Variants in ANKDD1B observed in about 807,000 individuals in gnomAD.
The protein encoded by ANKDD1B is ankyrin repeat and death domain-containing protein 1B.
In ANKDD1B, 57 loss-of-function variants were observed where a neutral mutation model predicts 59.7. That is an observed-to-expected ratio of 0.95 (90% CI 0.77 to 1.19). The LOEUF (loss-of-function observed/expected upper bound fraction) is 1.19. Among genes scored for constraint, ANKDD1B ranks in the 50% most tolerant of loss-of-function variants. ANKDD1B has a pLI of 0.00. For synonymous variants in ANKDD1B, 216 were observed against 239.5 expected (o/e 0.90, Z 0.91); for missense variants, 602 against 641.9 (o/e 0.94, Z 0.67).
intron 1 of ANKDD1B, among the ~76,000 whole-genome samples, chr5:75,616,385 C>T (rs1036942358): frequency 6.6e-6 from 1 of 152,126 alleles, no homozygotes; most frequent in Admixed American, 6.5e-5. Flanking sequence ...GGCCTGGCCT[C>T]GGTATAGAGT....
intron 5 of ANKDD1B, among the ~76,000 whole-genome samples, chr5:75,631,784 G>T (rs1774167680): frequency 6.6e-6 from 1 of 152,154 alleles, no homozygotes; most frequent in East Asian, 1.9e-4. Context: ...AACTTTATGA[G>T]TCTGAAATGT....
chr5:75,667,085 C>T (rs1215411025), intron 12 of ANKDD1B, 92 bp downstream of exon 12: 12 of 820,464 alleles, frequency 1.5e-5, no homozygotes, highest in Middle Eastern at 3.7e-4. Flanking sequence ...AAGTGTGTGG[C>T]ACTCACAATA....
chr5:75,622,718 G>C (rs1228220545), intron 3 of ANKDD1B, among the ~76,000 whole-genome samples: 1 of 152,206 alleles, frequency 6.6e-6, no homozygotes, highest in African/African-American at 2.4e-5. Context: ...AGTGACTATT[G>C]AGCAATGTAC....
intron 11 of ANKDD1B, 70 bp downstream of exon 11, chr5:75,663,559 G>A (rs1238242107): frequency 2.4e-6 from 3 of 1,234,152 alleles, no homozygotes; most frequent in African/African-American, 3.0e-5. Flanking sequence ...GGGGCAATGG[G>A]GGGGTCTGTG....
chr5:75,637,270 A>AAAAAAAAG lies in ANKDD1B; in HGVS notation c.798+1391_798+1392insAAAAGAAA, dbSNP rs1561439319. On this transcript the variant is annotated intron_variant, in intron 7 of 13. Transcript: ENST00000601380. The stretch of plus-strand genomic sequence containing the variant: ...AAAAAAAAAAAAAAAAAAAAAAAAA[A>AAAAAAAAG]AAAGAAAGAAAAAAGAAACTGGTTC... Among the ~76,000 whole-genome samples, 6 of 141,984 alleles carry AAAAAAAAG rather than the reference A, an allele frequency of 4.2e-5. No homozygotes were observed. The East Asian group carries it at 8.2e-4, about 19-fold the overall frequency. The allele number at this position is 141,984 out of a possible 152,430, so 93.1% of individuals were successfully genotyped here. A position where few individuals can be genotyped will look rare whatever the true frequency, so the allele number is the denominator to read the frequency against.
chr5:75,658,933 T>C (rs1356481590), intron 9 of ANKDD1B, among the ~76,000 whole-genome samples: 1 of 152,228 alleles, frequency 6.6e-6, no homozygotes, highest in African/African-American at 2.4e-5. Flanking sequence ...TATTAAACGG[T>C]AACTTCCCAT....
intron 5 of ANKDD1B, among the ~76,000 whole-genome samples, chr5:75,628,893 A>C (rs1434263493): frequency 3.9e-5 from 6 of 152,234 alleles, no homozygotes; most frequent in Non-Finnish European, 5.9e-5. Context: ...TCTGGTGATC[A>C]AAAATAAATA....
At chr5:75,658,133 G>A (rs1315255539) in intron 9 of ANKDD1B, among the ~76,000 whole-genome samples, 1 of 152,012 alleles carries the variant, frequency 6.6e-6, no homozygotes, top group Non-Finnish European at 1.5e-5. Flanking sequence ...GGAGTTCGAG[G>A]TTACAGTGAG....
At chr5:75,654,845 C>T (rs1010482242) in intron 8 of ANKDD1B, among the ~76,000 whole-genome samples, 2 of 152,144 alleles carry the variant, frequency 1.3e-5, no homozygotes, top group Non-Finnish European at 2.9e-5. Context: ...TGTTCCCTCT[C>T]GCCACTCGCT....
At chr5:75,622,632 T>C (rs1773882173) in intron 3 of ANKDD1B, among the ~76,000 whole-genome samples, 1 of 152,204 alleles carries the variant, frequency 6.6e-6, no homozygotes, top group Non-Finnish European at 1.5e-5. Flanking sequence ...TCTGGGAAGC[T>C]CCTAACATGG....
chr5:75,641,818 T>C (rs146152200), intron 7 of ANKDD1B, among the ~76,000 whole-genome samples: 1 of 152,326 alleles, frequency 6.6e-6, no homozygotes, highest in African/African-American at 2.4e-5. Context: ...CACTTTCCTT[T>C]TAACCACACA....
rs143102223 is a variant in ANKDD1B at position 75,641,576 on chromosome 5, G to C, written c.798+5694G>C. 1.1e-3 allele frequency among the ~76,000 whole-genome samples: 164 copies of C among 152,254 alleles called. 1 individual carries two copies. The highest frequency in any genetic ancestry group is 7.4e-3 in the Admixed American group (113 of 15,300). ...ATATACCAACACTGTATAAACAGTA[G>C]CACAGTATATAATATATGCTGCTCT... On this transcript the variant is annotated intron_variant, in intron 7 of 13. Transcript: ENST00000601380.
At position 75,671,345 on chromosome 5, in the gene ANKDD1B, A is replaced by C. The variant is rs950470397; in HGVS notation, c.*305A>C. On this transcript the variant is annotated 3_prime_UTR_variant, in exon 14 of 14. Transcript: ENST00000601380. ...CATGTTTTTTTAAAAAACTCATGGG[A>C]GCAGCATCATGGTACAGTAAAAAAA... The C allele has an allele frequency of 1.8e-4, 38 of 208,282 alleles. No individual in the cohort carries two copies. The highest frequency in any genetic ancestry group is 8.4e-4 in the African/African-American group (37 of 43,798). The allele number at this position is 208,282 out of a possible 1,614,324, so 12.9% of individuals were successfully genotyped here.
intron 5 of ANKDD1B, among the ~76,000 whole-genome samples, chr5:75,627,557 T>C (rs570091825): frequency 1.3e-4 from 20 of 152,364 alleles, no homozygotes; most frequent in Non-Finnish European, 2.8e-4. Context: ...ATATCCTATC[T>C]GATTTTCTCA....
At chr5:75,662,037 C>T (rs1775170422) in intron 10 of ANKDD1B, among the ~76,000 whole-genome samples, 1 of 151,042 alleles carries the variant, frequency 6.6e-6, no homozygotes, top group Non-Finnish European at 1.5e-5. Context: ...GTCCTCTTGG[C>T]CTGAGGTGTC....
chr5:75,621,473 T>A (rs934815289), intron 3 of ANKDD1B, among the ~76,000 whole-genome samples: 10 of 152,254 alleles, frequency 6.6e-5, no homozygotes, highest in South Asian at 2.1e-4. Flanking sequence ...TTTTTTTTTT[T>A]AATTTTAATT....
In ANKDD1B at chr5:75,635,830, C is replaced by T. The variant is rs1414322924; in HGVS notation, c.746C>T (p.Pro249Leu). Reference protein sequence around the residue: ...LHLAAKHGHSPAVQVLLAQWQ... With the variant: ...LHLAAKHGHSLAVQVLLAQWQ... The stretch of plus-strand genomic sequence containing the variant: ...CTCGCTGCGAAGCATGGTCACAGTC[C>T]TGCAGTGCAGGTGCTGCTAGCCCAG... The change falls in exon 7 of 14, where the codon CCT (proline) becomes CTT (leucine). Residue 249 changes from proline to leucine, a missense_variant. By Grantham distance (98) the Pro-to-Leu change is moderately conservative (BLOSUM62 -3). Coordinates refer to ENST00000601380, the MANE Select transcript of ANKDD1B (RefSeq NM_001276713.2). The T allele has an allele frequency of 6.5e-7, 1 of 1,534,322 alleles. No homozygotes were observed. The highest frequency in any genetic ancestry group is 8.7e-7 in the Non-Finnish European group (1 of 1,145,720).
In ANKDD1B at chr5:75,620,352, A is replaced by G; in HGVS notation, c.335A>G (p.Asn112Ser). ...RTALHFAVGR[N>S]HLSAVDFLLK... ...GCCCTGCATTTTGCAGTGGGGAGAA[A>G]TCATTTATCTGCAGTGGATTTCTTG... The change falls in exon 3 of 14, where the codon AAT (asparagine) becomes AGT (serine). Residue 112 changes from asparagine to serine, a missense_variant. Coordinates refer to ENST00000601380, the MANE Select transcript of ANKDD1B (RefSeq NM_001276713.2). The G allele has an allele frequency of 1.3e-6, 2 of 1,535,298 alleles. No individual in the cohort carries two copies. Among genetic ancestry groups the G allele is most frequent in the Non-Finnish European group, 8.7e-7 (1 of 1,146,228 alleles).
chr5:75,618,894 C>T (rs1250150733), intron 2 of ANKDD1B, among the ~76,000 whole-genome samples: 3 of 152,094 alleles, frequency 2.0e-5, no homozygotes, highest in Admixed American at 6.6e-5. Context: ...TACAGACGCA[C>T]GCCACCACAC....
Sources: gnomAD v4.1 joint callset for allele counts (sites outside exome capture counted in the v4.1 genomes callset) on GRCh38, gnomAD v4.1.1 for gene constraint, MANE v1.5 for transcripts, NCBI Gene and HGNC (gene_info 2026-07-23, HGNC 2026-07-21) for gene names.